The following DACH2 variants were observed in gnomAD, a reference collection of about 807,000 sequenced individuals.
DACH2 encodes the protein dachshund homolog 2.
In DACH2, 17 loss-of-function variants were observed where a neutral mutation model predicts 35.8. That is an observed-to-expected ratio of 0.48 (90% CI 0.33 to 0.71). The LOEUF (loss-of-function observed/expected upper bound fraction) is 0.71. Ranked by LOEUF, DACH2 falls within the 30% of genes least tolerant of loss-of-function variation. The pLI is 0.02. For missense variants in DACH2, 469 were observed against 472.7 expected (o/e 0.99, Z 0.07); for synonymous variants, 195 against 177.3 (o/e 1.10, Z -0.79).
intron 3 of DACH2, among the ~76,000 whole-genome samples, chrX:86,633,098 C>CA (rs1211937087): frequency 9.1e-6 from 1 of 109,355 alleles, no homozygotes; most frequent in African/African-American, 3.3e-5. Flanking sequence ...ACAAAACAAA[C>CA]AAAAACAGAG....
At chrX:86,742,025 G>A (rs1273726471) in intron 7 of DACH2, among the ~76,000 whole-genome samples, 1 of 110,154 alleles carries the variant, frequency 9.1e-6, no homozygotes, top group Non-Finnish European at 1.9e-5. Context: ...TAAAAGAATG[G>A]ACAACTTACA....
At chrX:86,610,401 C>CTTTCTTTCTTTCTTTCTTTCTTTCT in intron 3 of DACH2, among the ~76,000 whole-genome samples, 1 of 76,886 alleles carries the variant, frequency 1.3e-5, no homozygotes, top group Non-Finnish European at 2.4e-5. Flanking sequence ...TTCTTTCTTT[C>CTTTCTTTCTTTCTTTCTTTCTTTCT]TTTCTTTCTT....
intron 2 of DACH2, among the ~76,000 whole-genome samples, chrX:86,399,731 A>G (rs1391766415): frequency 2.7e-5 from 3 of 111,719 alleles, no homozygotes; most frequent in African/African-American, 9.8e-5. Context: ...TGGCTTGTAG[A>G]GTTTCTGCTG....
intron 7 of DACH2, among the ~76,000 whole-genome samples, chrX:86,763,197 A>G (rs1248989086): frequency 8.9e-6 from 1 of 111,837 alleles, no homozygotes; most frequent in Non-Finnish European, 1.9e-5. Context: ...ATTTTCCAAA[A>G]CCTGGAAATT....
intron 1 of DACH2, among the ~76,000 whole-genome samples, chrX:86,362,908 T>C (rs2035757848): frequency 2.7e-5 from 3 of 110,785 alleles, no homozygotes; most frequent in Admixed American, 9.7e-5. Flanking sequence ...AATAATAGCT[T>C]TGAGAGGAGC....
chrX:86,282,953 AT>A (rs1401267842), intron 1 of DACH2, among the ~76,000 whole-genome samples: 1 of 42,792 alleles, frequency 2.3e-5, no homozygotes, highest in Non-Finnish European at 3.5e-5. Context: ...AATTTTTTGT[AT>A]TTTTTAGTAG....
chrX:86,507,692 C>A (rs2038344399), intron 2 of DACH2, among the ~76,000 whole-genome samples: 1 of 111,578 alleles, frequency 9.0e-6, no homozygotes, highest in Non-Finnish European at 1.9e-5. Context: ...TATATTGGAG[C>A]AGGTTACCAG....
intron 7 of DACH2, among the ~76,000 whole-genome samples, chrX:86,746,617 T>G (rs2041714892): frequency 8.9e-6 from 1 of 111,861 alleles, no homozygotes; most frequent in Non-Finnish European, 1.9e-5. Flanking sequence ...TTTATTTTAT[T>G]TAATTTATCA....
intron 1 of DACH2, among the ~76,000 whole-genome samples, chrX:86,192,812 C>T (rs766962361): frequency 9.8e-5 from 11 of 111,904 alleles, no homozygotes; most frequent in Admixed American, 1.9e-4. Flanking sequence ...TTACTTGTTC[C>T]ACAACTTGTG....
At chrX:86,822,850 G>A (rs1172816145) in intron 11 of DACH2, among the ~76,000 whole-genome samples, 1 of 112,071 alleles carries the variant, frequency 8.9e-6, no homozygotes, top group African/African-American at 3.2e-5. Flanking sequence ...GTGTGGAGTA[G>A]CTGAAATAGT....
chrX:86,663,713 AAAG>A (rs2040633686), intron 4 of DACH2, among the ~76,000 whole-genome samples: 1 of 112,201 alleles, frequency 8.9e-6, no homozygotes, highest in Non-Finnish European at 1.9e-5. Context: ...TGGCAAAAAA[AAAG>A]AAGTTGTTCC....
At chrX:86,275,441 A>G (rs1443552176) in intron 1 of DACH2, among the ~76,000 whole-genome samples, 1 of 111,360 alleles carries the variant, frequency 9.0e-6, no homozygotes, top group East Asian at 2.8e-4. Flanking sequence ...GTAGGTGTAT[A>G]TATTTATGAG....
intron 2 of DACH2, among the ~76,000 whole-genome samples, chrX:86,438,795 G>T (rs982560086): frequency 4.5e-5 from 5 of 112,272 alleles, no homozygotes; most frequent in African/African-American, 1.6e-4. Context: ...CACAATGGTT[G>T]AACCAATTTA....
chrX:86,600,974 C>A (rs747248833), intron 3 of DACH2, among the ~76,000 whole-genome samples: 7 of 111,311 alleles, frequency 6.3e-5, no homozygotes. Flanking sequence ...GAGGGAGATT[C>A]CTGTGCTCCT....
chrX:86,257,973 CT>C (rs1447179000), intron 1 of DACH2, among the ~76,000 whole-genome samples: 4 of 110,984 alleles, frequency 3.6e-5, no homozygotes, highest in African/African-American at 1.3e-4. Context: ...TAGCCTTAAA[CT>C]CAGACAAATT....
intron 4 of DACH2, among the ~76,000 whole-genome samples, chrX:86,692,928 T>A (rs2041026242): frequency 8.9e-6 from 1 of 112,110 alleles, no homozygotes; most frequent in African/African-American, 3.2e-5. Context: ...ACTTTCATAG[T>A]TTATTAAAAT....
Position 86,599,248 on chromosome X carries a change from A to G in DACH2, c.641-51788A>G, listed in dbSNP as rs1270004809. ...CCTTTCTAGGGGAAAAACCTGCATC[A>G]CTGCTCTGGAGTTGGGGGTAAGGAG... On this transcript the variant is annotated intron_variant, in intron 3 of 11. Transcript: ENST00000373125. 4.5e-5 allele frequency among the ~76,000 whole-genome samples: 5 copies of G among 111,008 alleles called. No individual in the cohort carries two copies. In the Admixed American group the frequency reaches 4.8e-4, roughly 11 times the overall value.
intron 4 of DACH2, among the ~76,000 whole-genome samples, chrX:86,684,692 G>T (rs2040921528): frequency 9.1e-6 from 1 of 110,010 alleles, no homozygotes; most frequent in Non-Finnish European, 1.9e-5. Flanking sequence ...AATGAGTGTT[G>T]TAAATATATA....
At chrX:86,431,585 C>T (rs1293237486) in intron 2 of DACH2, among the ~76,000 whole-genome samples, 6 of 111,063 alleles carry the variant, frequency 5.4e-5, no homozygotes, top group Non-Finnish European at 9.5e-5. Context: ...TGCATGTGTC[C>T]GAATGGCATA....
Sources: allele counts gnomAD v4.1 joint callset (sites outside exome capture counted in the v4.1 genomes callset), GRCh38; gene constraint gnomAD v4.1.1; transcripts MANE v1.5; gene names NCBI Gene and HGNC (gene_info 2026-07-23, HGNC 2026-07-21).